DMD: variants seen among roughly 807,000 people sequenced by gnomAD.
DMD encodes dystrophin.
A neutral mutation model predicts 330.1 loss-of-function variants in DMD; 63 were observed. The ratio of observed to expected loss-of-function variants is 0.19; its 90% CI spans 0.16 to 0.24. The LOEUF (loss-of-function observed/expected upper bound fraction) is 0.24, where lower values mean the gene tolerates loss of function less well. Among genes scored for constraint, DMD ranks in the 10% least tolerant of loss-of-function variants. DMD has a pLI of 1.00. For missense variants in DMD, 3,344 were observed against 2,684.1 expected (o/e 1.25, Z -5.43); for synonymous variants, 1,223 against 959.8 (o/e 1.27, Z -5.07).
rs183584901 is a variant in DMD, at chrX:31,368,955, T to A, written c.9085-20321A>T. On this transcript the variant is annotated intron_variant, in intron 60 of 78. Transcript: ENST00000357033. ...GCCACCATGCCCGGCCCGAGGTCCC[T>A]TCTTGATTCTGTGATGAGGTAACCC... 2.2e-4 allele frequency among the ~76,000 whole-genome samples: 25 copies of A among 111,717 alleles called. No individual in the cohort carries two copies. In the East Asian group the frequency reaches 4.8e-3, roughly 21 times the overall value.
At chrX:31,757,951 C>G (rs2089260002) in intron 51 of DMD, among the ~76,000 whole-genome samples, 1 of 110,417 alleles carries the variant, frequency 9.1e-6, no homozygotes, top group African/African-American at 3.3e-5. Flanking sequence ...GTCATTCCAG[C>G]TTAAGAACTC....
chrX:31,692,700 C>A (rs1269227771), intron 52 of DMD, among the ~76,000 whole-genome samples: 1 of 111,152 alleles, frequency 9.0e-6, no homozygotes, highest in Admixed American at 9.6e-5. Context: ...ACATAATCTA[C>A]CAAAACTGAA....
chrX:32,653,648 T>C (rs956709684), intron 9 of DMD, among the ~76,000 whole-genome samples: 4 of 112,058 alleles, frequency 3.6e-5, no homozygotes, highest in African/African-American at 1.3e-4. Context: ...TGGGCTCTTT[T>C]TTGGTTCCAT....
chrX:32,706,734 C>G (rs1316276062), intron 7 of DMD, among the ~76,000 whole-genome samples: 2 of 111,749 alleles, frequency 1.8e-5, no homozygotes, highest in Non-Finnish European at 3.8e-5. Flanking sequence ...CCTACCAATA[C>G]AAATGGAACT....
chrX:32,884,060 C>T (rs1020359132), intron 2 of DMD, among the ~76,000 whole-genome samples: 4 of 110,078 alleles, frequency 3.6e-5, no homozygotes, highest in African/African-American at 1.3e-4. Context: ...TTGACCAATA[C>T]ATACAATGTT....
At chrX:31,654,358 T>C (rs1487534605) in intron 54 of DMD, among the ~76,000 whole-genome samples, 1 of 112,204 alleles carries the variant, frequency 8.9e-6, no homozygotes, top group Non-Finnish European at 1.9e-5. Flanking sequence ...AGAAATGATG[T>C]AATCAGAAAA....
At chrX:32,600,366 T>C (rs1164999673) in intron 12 of DMD, among the ~76,000 whole-genome samples, 1 of 111,649 alleles carries the variant, frequency 9.0e-6, no homozygotes, top group Non-Finnish European at 1.9e-5. Context: ...GGCAGTATAA[T>C]AGAAAACAAA....
intron 1 of DMD, among the ~76,000 whole-genome samples, chrX:33,077,594 C>T (rs1355965903): frequency 1.8e-5 from 2 of 111,654 alleles, no homozygotes. Context: ...TGGATTCATG[C>T]AGGCCTAATT....
chrX:32,541,641 G>A (rs1015767718), intron 17 of DMD, among the ~76,000 whole-genome samples: 1 of 111,130 alleles, frequency 9.0e-6, no homozygotes, highest in Non-Finnish European at 1.9e-5. Context: ...AGACACTGGG[G>A]CCTATTTGAG....
chrX:32,546,239 C>T (rs755139403), intron 16 of DMD, among the ~76,000 whole-genome samples: 8 of 105,837 alleles, frequency 7.6e-5, no homozygotes, highest in South Asian at 4.4e-4. Flanking sequence ...CCTCTCATGA[C>T]GATTGTAACG....
intron 47 of DMD, among the ~76,000 whole-genome samples, chrX:31,883,146 A>G (rs1008975777): frequency 8.9e-6 from 1 of 112,019 alleles, no homozygotes; most frequent in African/African-American, 3.2e-5. Context: ...AACTAAACTA[A>G]CTATGGCACA....
At chrX:32,699,522 A>G (rs376976000) in intron 7 of DMD, among the ~76,000 whole-genome samples, 1 of 111,994 alleles carries the variant, frequency 8.9e-6, no homozygotes, top group South Asian at 3.7e-4. Flanking sequence ...CCTTGTTCAT[A>G]TAAAAACTTC....
intron 7 of DMD, among the ~76,000 whole-genome samples, chrX:32,745,435 C>T (rs951298707): frequency 8.9e-6 from 1 of 112,076 alleles, no homozygotes; most frequent in African/African-American, 3.2e-5. Context: ...TACCTTAAAG[C>T]ACAAAAGCAT....
chrX:31,688,202 C>A (rs1356620377), intron 52 of DMD, among the ~76,000 whole-genome samples: 2 of 110,275 alleles, frequency 1.8e-5, no homozygotes, highest in African/African-American at 6.6e-5. Context: ...AAAAGATCAA[C>A]AGAATTGATA....
intron 7 of DMD, among the ~76,000 whole-genome samples, chrX:32,739,391 A>G (rs2068942028): frequency 9.0e-6 from 1 of 111,725 alleles, no homozygotes; most frequent in African/African-American, 3.3e-5. Flanking sequence ...GTAAATTTCT[A>G]TGAGTGCGCT....
intron 47 of DMD, among the ~76,000 whole-genome samples, chrX:31,876,213 T>C (rs1169112238): frequency 8.9e-6 from 1 of 112,843 alleles, no homozygotes; most frequent in East Asian, 2.8e-4. Context: ...GATATTATTA[T>C]GATCCCACTA....
At position 32,198,418 on chromosome X, in the gene DMD, A is replaced by G. The variant is rs112195831; in HGVS notation, c.6438+18498T>C. Among the ~76,000 whole-genome samples, 292 of 111,718 alleles carry G rather than the reference A, an allele frequency of 2.6e-3. 2 individuals are homozygous for G. The highest frequency in any genetic ancestry group is 3.5e-3 in the Non-Finnish European group (186 of 53,102). On this transcript the variant is annotated intron_variant, in intron 44 of 78. Transcript: ENST00000357033. ...ATATTTTCAGAGTAAAGCAACTCTT[A>G]CTGTTTACTATTAATTTGGGCCCAC...
chrX:32,821,471 C>T (rs2078242298), intron 5 of DMD, among the ~76,000 whole-genome samples: 1 of 109,335 alleles, frequency 9.1e-6, no homozygotes, highest in African/African-American at 3.3e-5. Context: ...GCCTGTAGTC[C>T]CAGCTACTCG....
intron 2 of DMD, among the ~76,000 whole-genome samples, chrX:32,866,986 G>A (rs1006951394): frequency 6.3e-5 from 7 of 110,949 alleles, no homozygotes; most frequent in East Asian, 5.7e-4. Context: ...CGCCCACCTC[G>A]GCCTCCCAAA....
Sources: allele counts gnomAD v4.1 joint callset (sites outside exome capture counted in the v4.1 genomes callset), GRCh38; gene constraint gnomAD v4.1.1; transcripts MANE v1.5; gene names NCBI Gene and HGNC (gene_info 2026-07-23, HGNC 2026-07-21).